Variants in LAMA2 observed in about 807,000 individuals in gnomAD.
The protein encoded by LAMA2 is laminin subunit alpha-2.
Under a neutral mutation model 364.8 loss-of-function variants are expected in LAMA2, and 269 were observed. The observed-to-expected ratio is 0.74, with a 90% CI of 0.67 to 0.82. The LOEUF (loss-of-function observed/expected upper bound fraction) is 0.82. Among genes scored for constraint, LAMA2 ranks in the 40% least tolerant of loss-of-function variants. The pLI, the probability that LAMA2 is intolerant of heterozygous loss-of-function variation, is 0.00. For missense variants in LAMA2, 3,807 were observed against 3,873.2 expected (o/e 0.98, Z 0.45); for synonymous variants, 1,379 against 1,370.6 (o/e 1.01, Z -0.14).
At chr6:129,448,956 T>G (rs138585792) in intron 45 of LAMA2, among the ~76,000 whole-genome samples, 1 of 152,348 alleles carries the variant, frequency 6.6e-6, no homozygotes. Flanking sequence ...AGATATAGTA[T>G]TTTGATTTAC....
At chr6:129,268,248 G>T (rs1487138327) in intron 16 of LAMA2, among the ~76,000 whole-genome samples, 1 of 152,050 alleles carries the variant, frequency 6.6e-6, no homozygotes. Context: ...GCCTTAATTT[G>T]TGGATCAGTG....
At position 129,406,871 on chromosome 6, in the gene LAMA2, G is replaced by C. The variant is rs184865880; in HGVS notation, c.5865+2912G>C. On this transcript the variant is annotated intron_variant, in intron 40 of 64. Transcript: ENST00000421865. ...AGCTGAGGAGCAGGGAAGCCAGCCC[G>C]AGTCCCAAAACCTCAAAAGTAGGGA... Among the ~76,000 whole-genome samples the C allele has an allele frequency of 3.3e-3, 509 of 152,208 alleles. 2 individuals carry two copies. Among genetic ancestry groups the C allele is most frequent in the Non-Finnish European group, 6.5e-3 (440 of 68,016 alleles).
chr6:129,514,742 T>TA, intron 64 of LAMA2, 147 bp downstream of exon 64: 1 of 732,878 alleles, frequency 1.4e-6, no homozygotes, highest in South Asian at 1.6e-5. Context: ...GCACCTTACC[T>TA]AAAATTTCCA....
chr6:129,256,759 A>C (rs1786702684), intron 14 of LAMA2, among the ~76,000 whole-genome samples: 1 of 88,120 alleles, frequency 1.1e-5, no homozygotes. Flanking sequence ...AACAAATTAT[A>C]TAGCATATAT....
intron 1 of LAMA2, among the ~76,000 whole-genome samples, chr6:128,931,284 T>C (rs904273866): frequency 3.3e-5 from 5 of 152,230 alleles, no homozygotes; most frequent in African/African-American, 7.2e-5. Flanking sequence ...TGAGTCTTTA[T>C]TGTAGTTCTT....
At chr6:129,291,488 A>T in intron 19 of LAMA2, 126 bp from the exon 20 acceptor site, 1 of 734,942 alleles carries the variant, frequency 1.4e-6, no homozygotes, top group Non-Finnish European at 2.4e-6. Flanking sequence ...GCACTTAACA[A>T]ATCAGAAAAC....
chr6:129,309,567 C>T (rs368543072), intron 22 of LAMA2, among the ~76,000 whole-genome samples: 11 of 152,200 alleles, frequency 7.2e-5, no homozygotes, highest in Admixed American at 3.3e-4. Flanking sequence ...TCTATTAATA[C>T]CCGATTATGG....
In LAMA2 at chr6:129,403,800, T is replaced by G. The variant is rs76902576; in HGVS notation, c.5727-21T>G. The G allele has an allele frequency of 0.47, 745,839 of 1,598,590 alleles. 177,308 individuals are homozygous for G. Among genetic ancestry groups the G allele is most frequent in the African/African-American group, 0.62 (46,350 of 74,446 alleles). On this transcript the variant is annotated intron_variant, in intron 39 of 64. Coordinates refer to ENST00000421865, the MANE Select transcript of LAMA2 (RefSeq NM_000426.4). ...GTACCATTGAGTGCCCTGACATTCCTTTTTTGAATCATCCCACCAGAATCC... is the reference window on the plus strand; with the variant it reads ...GTACCATTGAGTGCCCTGACATTCCGTTTTTGAATCATCCCACCAGAATCC...
intron 12 of LAMA2, among the ~76,000 whole-genome samples, chr6:129,232,538 T>C (rs976708944): frequency 6.6e-6 from 1 of 152,168 alleles, no homozygotes; most frequent in Non-Finnish European, 1.5e-5. Flanking sequence ...CCAAATGTTT[T>C]AATTTTATTA....
chr6:129,228,354 C>G (rs1166666213), intron 12 of LAMA2, among the ~76,000 whole-genome samples: 3 of 152,098 alleles, frequency 2.0e-5, no homozygotes, highest in Admixed American at 6.5e-5. Context: ...CACTGTCAGA[C>G]AAGCCCCAGT....
chr6:129,242,359 T>C (rs1300341747), intron 12 of LAMA2, among the ~76,000 whole-genome samples: 1 of 152,144 alleles, frequency 6.6e-6, no homozygotes, highest in Non-Finnish European at 1.5e-5. Context: ...TTATACATTT[T>C]CTTTTTATTC....
intron 12 of LAMA2, among the ~76,000 whole-genome samples, chr6:129,240,575 A>T (rs536991295): frequency 6.6e-6 from 1 of 152,270 alleles, no homozygotes; most frequent in African/African-American, 2.4e-5. Context: ...TCACACCTCT[A>T]TGGATGAAGT....
intron 31 of LAMA2, among the ~76,000 whole-genome samples, chr6:129,350,625 T>C (rs1776806129): frequency 6.6e-6 from 1 of 152,208 alleles, no homozygotes; most frequent in Admixed American, 6.5e-5. Context: ...ATTAGAGCTT[T>C]TCTTTTCCAT....
chr6:129,179,129 G>A (rs536010305), intron 10 of LAMA2, among the ~76,000 whole-genome samples: 4 of 151,898 alleles, frequency 2.6e-5, no homozygotes, highest in South Asian at 4.2e-4. Flanking sequence ...GTGATTGCTT[G>A]CTTAAGGACA....
At chr6:129,046,356 C>G (rs1787496920) in intron 1 of LAMA2, among the ~76,000 whole-genome samples, 1 of 152,128 alleles carries the variant, frequency 6.6e-6, no homozygotes. Context: ...TTCCACATGG[C>G]TGGGGAGGTC....
intron 1 of LAMA2, among the ~76,000 whole-genome samples, chr6:129,019,390 T>C (rs1431645555): frequency 6.6e-6 from 1 of 151,556 alleles, no homozygotes; most frequent in Non-Finnish European, 1.5e-5. Flanking sequence ...GAAACTCCCA[T>C]GAGTCAAATT....
At chr6:129,300,610 C>A (rs1030223092) in intron 21 of LAMA2, 126 bp from the exon 22 acceptor site, 1 of 956,380 alleles carries the variant, frequency 1.0e-6, no homozygotes, top group South Asian at 1.3e-5. Flanking sequence ...GTTTTTATTT[C>A]CAAATATCCT....
chr6:128,979,810 C>T (rs900472334), intron 1 of LAMA2, among the ~76,000 whole-genome samples: 9 of 152,098 alleles, frequency 5.9e-5, no homozygotes, highest in African/African-American at 2.2e-4. Context: ...GTGGATTTTG[C>T]CTCCCCTTTT....
intron 39 of LAMA2, among the ~76,000 whole-genome samples, chr6:129,402,993 T>G (rs778474768): frequency 6.6e-6 from 1 of 152,192 alleles, no homozygotes; most frequent in Non-Finnish European, 1.5e-5. Flanking sequence ...TAGCAGCTTA[T>G]TCTAGCTGGG....
Sources: allele counts gnomAD v4.1 joint callset (sites outside exome capture counted in the v4.1 genomes callset), GRCh38; gene constraint gnomAD v4.1.1; transcripts MANE v1.5; gene names NCBI Gene and HGNC (gene_info 2026-07-23, HGNC 2026-07-21).